The following OLFM3 variants were observed in gnomAD, a reference collection of about 807,000 sequenced individuals.
The protein encoded by OLFM3 is noelin-3.
In OLFM3, 20 loss-of-function variants were observed where a neutral mutation model predicts 48.6. That is an observed-to-expected ratio of 0.41 (90% CI 0.29 to 0.60). The LOEUF is 0.60. Among genes scored for constraint, OLFM3 ranks in the 20% least tolerant of loss-of-function variants. The pLI is 0.28. For synonymous variants in OLFM3, 222 were observed against 198.1 expected (o/e 1.12, Z -1.01); for missense variants, 437 against 544.3 (o/e 0.80, Z 1.96).
rs749784093 is a variant in OLFM3, at chr1:101,825,184, G to C, written c.434C>G (p.Thr145Arg). The C allele has an allele frequency of 6.2e-7, 1 of 1,614,028 alleles. No homozygotes were observed. The highest frequency in any genetic ancestry group is 1.7e-5 in the Admixed American group (1 of 60,006). ...PLIPVLEQYK[T>R]DAKLITQFKE... ...GAACTGGGTGATTAACTTAGCATCT[G>C]TTTTGTACTGTTCCAGCACGGGGAT... is the stretch of plus-strand genomic sequence containing the variant. The change falls in exon 4 of 6, where the codon ACA (threonine) becomes AGA (arginine). Residue 145 changes from threonine (T) to arginine (R), a missense_variant. Transcript: ENST00000370103.
chr1:101,885,502 T>G (rs992387871), intron 1 of OLFM3, among the ~76,000 whole-genome samples: 3 of 152,050 alleles, frequency 2.0e-5, no homozygotes, highest in African/African-American at 4.8e-5. Flanking sequence ...GGAGAGTGCC[T>G]GCCTCTCCTT....
At chr1:101,894,688 T>C (rs1206130112) in intron 1 of OLFM3, among the ~76,000 whole-genome samples, 3 of 152,168 alleles carry the variant, frequency 2.0e-5, no homozygotes, top group South Asian at 4.1e-4. Flanking sequence ...TATGTAATTT[T>C]TCCTCTTAAA....
chr1:101,831,519 G>A (rs921870832), intron 2 of OLFM3, among the ~76,000 whole-genome samples: 2 of 152,090 alleles, frequency 1.3e-5, no homozygotes, highest in African/African-American at 2.4e-5. Flanking sequence ...AACCTATAAC[G>A]CATGCAGAAA....
chr1:101,848,870 A>T (rs1458488585), intron 1 of OLFM3, among the ~76,000 whole-genome samples: 1 of 152,190 alleles, frequency 6.6e-6, no homozygotes, highest in East Asian at 1.9e-4. Context: ...ATGAGGTGGC[A>T]GATGGTAATT....
At chr1:101,905,859 T>C (rs1658533312) in intron 1 of OLFM3, among the ~76,000 whole-genome samples, 1 of 152,134 alleles carries the variant, frequency 6.6e-6, no homozygotes, top group South Asian at 2.1e-4. Context: ...GCCTCTGACT[T>C]GAAGCAGAGA....
intron 1 of OLFM3, among the ~76,000 whole-genome samples, chr1:101,913,624 T>A (rs944286158): frequency 1.3e-5 from 2 of 151,758 alleles, no homozygotes; most frequent in Non-Finnish European, 2.9e-5. Flanking sequence ...GTCAGAATGA[T>A]CATTTAGTAA....
At chr1:101,983,709 A>G (rs1234157009) in intron 1 of OLFM3, among the ~76,000 whole-genome samples, 1 of 152,218 alleles carries the variant, frequency 6.6e-6, no homozygotes, top group Non-Finnish European at 1.5e-5. Flanking sequence ...TCTTAAACCT[A>G]AAAGCAATTC....
At chr1:101,830,426 G>A (rs1655090048) in intron 3 of OLFM3, among the ~76,000 whole-genome samples, 1 of 152,100 alleles carries the variant, frequency 6.6e-6, no homozygotes, top group African/African-American at 2.4e-5. Flanking sequence ...TTTCCTTGGG[G>A]AAATTTCCCT....
intron 1 of OLFM3, among the ~76,000 whole-genome samples, chr1:101,963,832 G>T (rs1204903467): frequency 6.6e-6 from 1 of 151,826 alleles, no homozygotes; most frequent in African/African-American, 2.4e-5. Context: ...TTCATTTTAG[G>T]TTTTGTTTTT....
chr1:101,951,096 T>C (rs1203830609), intron 1 of OLFM3, among the ~76,000 whole-genome samples: 1 of 152,226 alleles, frequency 6.6e-6, no homozygotes, highest in Non-Finnish European at 1.5e-5. Context: ...TTTGACAGTC[T>C]AGCCAGGAAC....
intron 1 of OLFM3, among the ~76,000 whole-genome samples, chr1:101,885,601 A>G (rs1228590125): frequency 6.6e-6 from 1 of 152,046 alleles, no homozygotes; most frequent in African/African-American, 2.4e-5. Context: ...AGCCTAATCA[A>G]TGTGAAGATA....
chr1:101,922,629 A>G (rs1398108279), intron 1 of OLFM3, among the ~76,000 whole-genome samples: 4 of 152,168 alleles, frequency 2.6e-5, no homozygotes, highest in African/African-American at 9.7e-5. Flanking sequence ...TCCTATGAAT[A>G]CCCGTCAGAA....
At chr1:101,950,034 A>AAAC (rs1553182457) in intron 1 of OLFM3, among the ~76,000 whole-genome samples, 2 of 150,094 alleles carry the variant, frequency 1.3e-5, no homozygotes, top group East Asian at 2.0e-4. Flanking sequence ...TCTTAAAAAA[A>AAAC]AAAAAAAAAA....
chr1:101,824,678 AC>A (rs1345343898), intron 4 of OLFM3, among the ~76,000 whole-genome samples: 5 of 150,782 alleles, frequency 3.3e-5, no homozygotes, highest in Non-Finnish European at 5.9e-5. Flanking sequence ...AACAACAACA[AC>A]AACAAAAAAC....
chr1:101,899,605 C>A (rs1181340023), intron 1 of OLFM3, among the ~76,000 whole-genome samples: 2 of 151,942 alleles, frequency 1.3e-5, no homozygotes, highest in East Asian at 3.9e-4. Context: ...TGCTGGTAAA[C>A]GTTTGACATT....
chr1:101,922,745 T>C (rs1045530372), intron 1 of OLFM3, among the ~76,000 whole-genome samples: 2 of 152,288 alleles, frequency 1.3e-5, no homozygotes, highest in South Asian at 2.1e-4. Context: ...TAAAAATGTG[T>C]TGTTAACCAG....
At chr1:101,897,429 CA>C (rs1385182378) in intron 1 of OLFM3, among the ~76,000 whole-genome samples, 1 of 152,072 alleles carries the variant, frequency 6.6e-6, no homozygotes, top group Non-Finnish European at 1.5e-5. Flanking sequence ...CACTAAATTG[CA>C]ATGCTAAGTG....
chr1:101,954,568 G>C (rs1393526571), intron 1 of OLFM3, among the ~76,000 whole-genome samples: 1 of 151,996 alleles, frequency 6.6e-6, no homozygotes, highest in Non-Finnish European at 1.5e-5. Context: ...TACTCACCTT[G>C]AGTGTCAATA....
chr1:101,901,712 G>T (rs531918122), intron 1 of OLFM3, among the ~76,000 whole-genome samples: 1 of 152,166 alleles, frequency 6.6e-6, no homozygotes, highest in African/African-American at 2.4e-5. Context: ...AGACCTGACA[G>T]ATAATTGACT....
Sources: allele counts gnomAD v4.1 joint callset (sites outside exome capture counted in the v4.1 genomes callset), GRCh38; gene constraint gnomAD v4.1.1; transcripts MANE v1.5; gene names NCBI Gene and HGNC (gene_info 2026-07-23, HGNC 2026-07-21).